Variants in FHIT observed in about 807,000 individuals in gnomAD.
FHIT encodes the protein fragile histidine triad diadenosine triphosphatase.
Under a neutral mutation model 17.9 loss-of-function variants are expected in FHIT, and 19 were observed. That is an observed-to-expected ratio of 1.06 (90% CI 0.74 to 1.56). FHIT has a LOEUF of 1.56. Ranked by LOEUF, FHIT falls within the 40% of genes most tolerant of loss-of-function variation. FHIT has a pLI of 0.00. For synonymous variants in FHIT, 81 were observed against 69.7 expected (o/e 1.16, Z -0.81); for missense variants, 248 against 189.2 (o/e 1.31, Z -1.82).
At chr3:60,302,685 C>T (rs1559802582) in intron 5 of FHIT, among the ~76,000 whole-genome samples, 1 of 152,152 alleles carries the variant, frequency 6.6e-6, no homozygotes, top group Non-Finnish European at 1.5e-5. Context: ...TTCCAACAAT[C>T]ATATTTCACT....
At chr3:60,202,161 G>A (rs1407966731) in intron 5 of FHIT, among the ~76,000 whole-genome samples, 1 of 152,198 alleles carries the variant, frequency 6.6e-6, no homozygotes, top group African/African-American at 2.4e-5. Flanking sequence ...TGGAATTTTA[G>A]TCAAGACTTC....
chr3:60,605,172 G>A (rs1383963904), intron 4 of FHIT, among the ~76,000 whole-genome samples: 2 of 152,078 alleles, frequency 1.3e-5, no homozygotes, highest in African/African-American at 2.4e-5. Context: ...TGAACTGAAA[G>A]CTTAGGCAAT....
At chr3:60,456,695 G>C (rs2032117522) in intron 5 of FHIT, among the ~76,000 whole-genome samples, 1 of 152,144 alleles carries the variant, frequency 6.6e-6, no homozygotes, top group African/African-American at 2.4e-5. Flanking sequence ...ACTGATATCA[G>C]CACTGAAGAG....
chr3:60,831,587 T>C (rs2736751), intron 3 of FHIT, among the ~76,000 whole-genome samples: 28,396 of 150,682 alleles, frequency 0.19, 2,856 homozygotes, highest in Middle Eastern at 0.28. Context: ...TGCCACCAGC[T>C]TCAGACTTAG....
chr3:60,121,871 C>T (rs1435097990), intron 5 of FHIT, among the ~76,000 whole-genome samples: 1 of 152,056 alleles, frequency 6.6e-6, no homozygotes, highest in Admixed American at 6.5e-5. Context: ...AACTCTATGC[C>T]TCTAATTCTA....
At chr3:60,810,975 C>T (rs1161210907) in intron 4 of FHIT, among the ~76,000 whole-genome samples, 1 of 152,080 alleles carries the variant, frequency 6.6e-6, no homozygotes. Flanking sequence ...GATAGGGGTT[C>T]GAATTCTGAC....
chr3:60,439,661 G>A (rs1397893555), intron 5 of FHIT, among the ~76,000 whole-genome samples: 1 of 152,060 alleles, frequency 6.6e-6, no homozygotes, highest in African/African-American at 2.4e-5. Context: ...AAAAGAGCAA[G>A]TAACACTCAC....
At chr3:60,482,712 C>T (rs887267908) in intron 5 of FHIT, among the ~76,000 whole-genome samples, 5 of 152,058 alleles carry the variant, frequency 3.3e-5, no homozygotes, top group South Asian at 4.2e-4. Context: ...ACTAAATGCT[C>T]ACATCAGAAA....
At chr3:60,870,575 C>G (rs1378921098) in intron 3 of FHIT, among the ~76,000 whole-genome samples, 10 of 152,156 alleles carry the variant, frequency 6.6e-5, no homozygotes, top group African/African-American at 2.4e-4. Context: ...ATGAAGCTAT[C>G]TGTAGTCTGA....
At chr3:59,838,853 G>A (rs922380438) in intron 8 of FHIT, among the ~76,000 whole-genome samples, 2 of 152,114 alleles carry the variant, frequency 1.3e-5, no homozygotes, top group Non-Finnish European at 2.9e-5. Context: ...CTTTGAAGGC[G>A]GAAGTAGGAA....
intron 3 of FHIT, among the ~76,000 whole-genome samples, chr3:60,966,247 G>A (rs1416442934): frequency 6.6e-6 from 1 of 152,236 alleles, no homozygotes; most frequent in Non-Finnish European, 1.5e-5. Context: ...CCAGGCACCA[G>A]ATATTATCTC....
chr3:60,934,979 C>T (rs1553772728), intron 3 of FHIT, among the ~76,000 whole-genome samples: 1 of 152,172 alleles, frequency 6.6e-6, no homozygotes. Flanking sequence ...TCTTCAAGAT[C>T]CAGCACAAGG....
At chr3:60,452,000 G>A (rs113452191) in intron 5 of FHIT, among the ~76,000 whole-genome samples, 97 of 152,220 alleles carry the variant, frequency 6.4e-4, no homozygotes, top group African/African-American at 2.3e-3. Flanking sequence ...TCCAATTGAT[G>A]TCTCAAGACT....
chr3:60,152,495 CAT>C (rs1700510695), intron 5 of FHIT, among the ~76,000 whole-genome samples: 1 of 152,206 alleles, frequency 6.6e-6, no homozygotes, highest in Admixed American at 6.5e-5. Flanking sequence ...ATACCTAAGA[CAT>C]GTGTGTGTAT....
intron 8 of FHIT, among the ~76,000 whole-genome samples, chr3:59,913,843 C>G (rs1175103592): frequency 6.6e-6 from 1 of 152,074 alleles, no homozygotes; most frequent in Non-Finnish European, 1.5e-5. Flanking sequence ...ACTATGTTGA[C>G]TCAAGGTGGA....
intron 3 of FHIT, among the ~76,000 whole-genome samples, chr3:60,894,677 C>A (rs1575655433): frequency 6.7e-6 from 1 of 150,174 alleles, no homozygotes. Context: ...CAAAACAAAA[C>A]AAAAAAAAAC....
At chr3:60,612,459 ACT>A in intron 4 of FHIT, among the ~76,000 whole-genome samples, 1 of 152,086 alleles carries the variant, frequency 6.6e-6, no homozygotes, top group African/African-American at 2.4e-5. Flanking sequence ...AAACAAAAAT[ACT>A]CTTTTACACT....
intron 3 of FHIT, among the ~76,000 whole-genome samples, chr3:60,921,387 G>C (rs562122424): frequency 1.3e-5 from 2 of 152,238 alleles, no homozygotes; most frequent in Non-Finnish European, 2.9e-5. Flanking sequence ...TGATTATCAA[G>C]AGTGCATGAG....
intron 8 of FHIT, among the ~76,000 whole-genome samples, chr3:59,890,290 G>A (rs1703800615): frequency 1.3e-5 from 2 of 152,112 alleles, no homozygotes; most frequent in South Asian, 4.1e-4. Flanking sequence ...GGTGTCCATA[G>A]CTGGTTCTCC....
Sources: allele counts gnomAD v4.1 joint callset (sites outside exome capture counted in the v4.1 genomes callset), GRCh38; gene constraint gnomAD v4.1.1; transcripts MANE v1.5; gene names NCBI Gene and HGNC (gene_info 2026-07-23, HGNC 2026-07-21).